Variants in EEFSEC observed in about 807,000 individuals in gnomAD.
EEFSEC encodes the protein eukaryotic elongation factor, selenocysteine-tRNA specific.
EEFSEC carries 43 observed loss-of-function variants against 42.1 expected under a neutral mutation model. The observed-to-expected ratio is 1.02, with a 90% CI of 0.80 to 1.32. The LOEUF (loss-of-function observed/expected upper bound fraction) is 1.32, where lower values mean the gene tolerates loss of function less well. Ranked by LOEUF, EEFSEC falls within the 40% of genes most tolerant of loss-of-function variation. The probability of loss-of-function intolerance (pLI) is 0.00; values close to 1 mark genes in which losing one functional copy is unlikely to be tolerated. For synonymous variants in EEFSEC, 354 were observed against 339.1 expected (o/e 1.04, Z -0.48); for missense variants, 745 against 803.6 (o/e 0.93, Z 0.88).
chr3:128,368,922 G>T (rs1009971715), intron 6 of EEFSEC, among the ~76,000 whole-genome samples: 1 of 152,236 alleles, frequency 6.6e-6, no homozygotes, highest in African/African-American at 2.4e-5. Flanking sequence ...GCACAGCCAC[G>T]GTGGCATTAC....
At chr3:128,236,601 G>T (rs1331485594) in intron 1 of EEFSEC, among the ~76,000 whole-genome samples, 1 of 152,178 alleles carries the variant, frequency 6.6e-6, no homozygotes, top group Non-Finnish European at 1.5e-5. Flanking sequence ...TTACTAGTAA[G>T]GTGTGATGTC....
At chr3:128,358,193 C>T in intron 5 of EEFSEC, 24 bp from the exon 6 acceptor site, 1 of 1,611,444 alleles carries the variant, frequency 6.2e-7, no homozygotes, top group Non-Finnish European at 8.5e-7. Flanking sequence ...TGCCCTCTCT[C>T]TGTGGCTGGG....
intron 4 of EEFSEC, among the ~76,000 whole-genome samples, chr3:128,311,879 T>A (rs993911441): frequency 1.3e-5 from 2 of 152,210 alleles, no homozygotes; most frequent in Admixed American, 1.3e-4. Context: ...GCATCTGTCC[T>A]GAGGATGGAG....
chr3:128,324,227 T>A (rs1317779500), intron 4 of EEFSEC, among the ~76,000 whole-genome samples: 1 of 148,694 alleles, frequency 6.7e-6, no homozygotes, highest in Non-Finnish European at 1.5e-5. Context: ...CAAACCTCAC[T>A]TTTATGTTAA....
intron 1 of EEFSEC, among the ~76,000 whole-genome samples, chr3:128,167,616 C>T (rs1359444822): frequency 6.6e-6 from 1 of 152,224 alleles, no homozygotes; most frequent in Non-Finnish European, 1.5e-5. Context: ...TGGTTAATTT[C>T]GTGGCCCACA....
the EEFSEC span, among the ~76,000 whole-genome samples, chr3:128,419,167 G>T: frequency 8.6e-4 from 131 of 152,318 alleles, no homozygotes; most frequent in Non-Finnish European, 1.5e-3. Flanking sequence ...AATTAAAAAT[G>T]CATGGGCCCC....
At chr3:128,419,397 G>C in the EEFSEC span, among the ~76,000 whole-genome samples, 9 of 152,212 alleles carry the variant, frequency 5.9e-5, no homozygotes, top group African/African-American at 2.2e-4. Context: ...GGTGAAAAAA[G>C]TTGCAAAAGG....
chr3:128,412,704 T>A (rs1015472093), downstream of EEFSEC, among the ~76,000 whole-genome samples: 1 of 151,970 alleles, frequency 6.6e-6, no homozygotes, highest in Admixed American at 6.5e-5. Context: ...TTAAAAAGAG[T>A]AATTAGCATT....
At position 128,153,810 on chromosome 3, in the gene EEFSEC, G is replaced by T; in HGVS notation, c.303G>T (p.Arg101=). The T allele has an allele frequency of 6.6e-7, 1 of 1,516,050 alleles. No homozygotes were observed. Among genetic ancestry groups the T allele is most frequent in the Non-Finnish European group, 8.8e-7 (1 of 1,138,184 alleles). 93.9% of individuals were successfully genotyped at this position (1,516,050 alleles called of 1,614,324 possible). A position where few individuals can be genotyped will look rare whatever the true frequency, so the allele number is the denominator to read the frequency against. The change falls in exon 1 of 7, where the codon CGG becomes CGT. Residue 101 remains arginine (R), a synonymous_variant. Transcript: ENST00000254730. ...GCCCCGGGCACGCCTCCCTCATCCG[G>T]ACCATCATCGGCGGTGAGCGCGGGC... ...VDCPGHASLI[R]TIIGGAQIID...
chr3:128,371,512 C>A (rs1483106239), intron 6 of EEFSEC, among the ~76,000 whole-genome samples: 3 of 152,194 alleles, frequency 2.0e-5, no homozygotes, highest in African/African-American at 7.2e-5. Flanking sequence ...AGTTGAGAAC[C>A]ACTGGTCTAA....
chr3:128,203,050 A>G (rs1171998133), intron 1 of EEFSEC, among the ~76,000 whole-genome samples: 2 of 152,204 alleles, frequency 1.3e-5, no homozygotes, highest in Non-Finnish European at 1.5e-5. Flanking sequence ...CATGGTTTTA[A>G]CATGTTCATG....
intron 6 of EEFSEC, among the ~76,000 whole-genome samples, chr3:128,407,437 G>A (rs1312917441): frequency 2.0e-5 from 3 of 152,224 alleles, no homozygotes; most frequent in African/African-American, 7.2e-5. Context: ...AGGGGGCACT[G>A]TGAGAATGGC....
chr3:128,303,775 T>G (rs1420351659), intron 4 of EEFSEC, among the ~76,000 whole-genome samples: 19 of 152,224 alleles, frequency 1.2e-4, no homozygotes, highest in Non-Finnish European at 1.5e-5. Context: ...GCCTCCAAGA[T>G]TATAAATTCA....
chr3:128,235,444 T>C (rs967612322), intron 1 of EEFSEC, among the ~76,000 whole-genome samples: 6 of 147,992 alleles, frequency 4.1e-5, no homozygotes, highest in African/African-American at 1.5e-4. Flanking sequence ...ATCTTAAAGG[T>C]ACAAAAAGGT....
chr3:128,321,397 A>G (rs2067006720), intron 4 of EEFSEC, among the ~76,000 whole-genome samples: 1 of 152,162 alleles, frequency 6.6e-6, no homozygotes, highest in Non-Finnish European at 1.5e-5. Flanking sequence ...CTCAGGGGGC[A>G]GCCACAGTGG....
chr3:128,394,397 G>A (rs1178844340), intron 6 of EEFSEC, among the ~76,000 whole-genome samples: 2 of 152,156 alleles, frequency 1.3e-5, no homozygotes, highest in Non-Finnish European at 1.5e-5. Flanking sequence ...TCTGGAAAAT[G>A]ACTGCTCCCC....
At chr3:128,207,318 T>A (rs904901951) in intron 1 of EEFSEC, among the ~76,000 whole-genome samples, 2 of 144,760 alleles carry the variant, frequency 1.4e-5, no homozygotes, top group African/African-American at 5.0e-5. Context: ...TCAGTTTCCC[T>A]TGGCTCTGTG....
intron 5 of EEFSEC, among the ~76,000 whole-genome samples, chr3:128,350,374 G>T (rs978944332): frequency 9.2e-5 from 14 of 152,346 alleles, no homozygotes; most frequent in African/African-American, 3.4e-4. Context: ...GCCATGCTGT[G>T]GTCTAGCTGG....
chr3:128,226,529 TC>T (rs894918930), intron 1 of EEFSEC, among the ~76,000 whole-genome samples: 1 of 152,196 alleles, frequency 6.6e-6, no homozygotes, highest in Non-Finnish European at 1.5e-5. Context: ...AGCTGGGGCT[TC>T]CGTAGCCCCC....
Sources: gnomAD v4.1 joint callset for allele counts (sites outside exome capture counted in the v4.1 genomes callset) on GRCh38, gnomAD v4.1.1 for gene constraint, MANE v1.5 for transcripts, NCBI Gene and HGNC (gene_info 2026-07-23, HGNC 2026-07-21) for gene names.